Variants in LMF1 observed in about 807,000 individuals in gnomAD.
The protein encoded by LMF1 is lipase maturation factor 1.
Under a neutral mutation model 60.6 loss-of-function variants are expected in LMF1, and 68 were observed. That is an observed-to-expected ratio of 1.12 (90% confidence interval 0.92 to 1.37). The LOEUF is 1.37. LMF1 is among the 40% of genes most tolerant of loss of function. The pLI, the probability that LMF1 is intolerant of heterozygous loss-of-function variation, is 0.00. For synonymous variants in LMF1, 418 were observed against 324.7 expected (o/e 1.29, Z -3.09); for missense variants, 948 against 767.2 (o/e 1.24, Z -2.78).
intron 6 of LMF1, chr16:873,476 G>A (rs900305057): frequency 2.0e-5 from 3 of 152,276 alleles, no homozygotes; most frequent in Admixed American, 6.5e-5. Flanking sequence ...CGAGGCCAAC[G>A]GCGCATGGCC....
chr16:946,745 G>A (rs561933556), intron 2 of LMF1, among the ~76,000 whole-genome samples: 4 of 152,224 alleles, frequency 2.6e-5, no homozygotes, highest in Non-Finnish European at 5.9e-5. Context: ...CCCATGCCCT[G>A]CCATGGATTC....
chr16:928,478 C>A (rs1005035858), intron 3 of LMF1, among the ~76,000 whole-genome samples: 1 of 152,206 alleles, frequency 6.6e-6, no homozygotes, highest in African/African-American at 2.4e-5. Context: ...TAGTAAGAAA[C>A]AGAACCCACT....
At chr16:877,203 G>A (rs534181798) in intron 6 of LMF1, among the ~76,000 whole-genome samples, 7 of 152,314 alleles carry the variant, frequency 4.6e-5, no homozygotes, top group African/African-American at 1.7e-4. Context: ...GGTGGCACCT[G>A]TAGTCCCGGC....
chr16:965,022 T>G (rs2072896013), intron 1 of LMF1, among the ~76,000 whole-genome samples: 1 of 152,232 alleles, frequency 6.6e-6, no homozygotes, highest in Non-Finnish European at 1.5e-5. Context: ...GGTCGGATTT[T>G]CAACATAATC....
chr16:981,285 T>C (rs1430877883), exon 1 of LMF1: 1 of 326,576 alleles, frequency 3.1e-6, no homozygotes, highest in Non-Finnish European at 5.6e-6. Context: ...AGACGGGCTG[T>C]GTGTGTGTGT....
At chr16:892,626 G>A (rs187685781) in intron 5 of LMF1, among the ~76,000 whole-genome samples, 67 of 152,370 alleles carry the variant, frequency 4.4e-4, no homozygotes, top group Admixed American at 3.5e-3. Flanking sequence ...GTTCCGTGTG[G>A]CAGGGGCTGG....
Position 871,051 on chromosome 16 carries a change from C to G in LMF1, c.1078+110G>C. ...CTGGCACGCTACACTGCGGACGGCG[C>G]TGACTCTCCTCCTACCCTGGCGTCC... On this transcript the variant is annotated intron_variant, in intron 7 of 10. Coordinates refer to ENST00000262301, the MANE Select transcript of LMF1 (RefSeq NM_022773.4). 3 of 1,405,078 alleles carry G rather than the reference C, an allele frequency of 2.1e-6. No homozygotes were observed. The South Asian group carries it at 4.3e-5, about 20-fold the overall frequency. 87.0% of individuals were successfully genotyped at this position (1,405,078 alleles called of 1,614,324 possible). A position where few individuals can be genotyped will look rare whatever the true frequency, so the allele number is the denominator to read the frequency against.
At chr16:892,108 G>C (rs2070505731) in intron 5 of LMF1, among the ~76,000 whole-genome samples, 1 of 152,238 alleles carries the variant, frequency 6.6e-6, no homozygotes, top group Non-Finnish European at 1.5e-5. Context: ...CGGAATCGCA[G>C]CAGAGGCACC....
intron 3 of LMF1, among the ~76,000 whole-genome samples, chr16:912,362 G>A (rs1037084943): frequency 4.6e-5 from 7 of 152,102 alleles, no homozygotes; most frequent in East Asian, 3.9e-4. Flanking sequence ...GGAGGCTCGC[G>A]GGGAGCTTCC....
intron 2 of LMF1, among the ~76,000 whole-genome samples, chr16:952,947 TCCTGCACGTC>T: frequency 1.1e-5 from 1 of 93,586 alleles, no homozygotes; most frequent in African/African-American, 4.9e-5. Context: ...CAAACCAGCC[TCCTGCACGTC>T]CACACAGACA....
chr16:952,426 G>T (rs570791960), intron 2 of LMF1: 1 of 152,120 alleles, frequency 6.6e-6, no homozygotes, highest in Non-Finnish European at 1.5e-5. Context: ...AGGGAACACC[G>T]GAGCCACAGG....
At position 957,850 on chromosome 16, in the gene LMF1, G is replaced by C. The variant is rs888212553; in HGVS notation, c.194-3184C>G. The stretch of plus-strand genomic sequence containing the variant: ...GTTCAAAGGCAACTACACAGACAAA[G>C]AGCAGCCTTGGGCCGGGCGTGGTGG... On this transcript the variant is annotated intron_variant, in intron 1 of 10. Transcript: ENST00000262301. Among the ~76,000 whole-genome samples the C allele has an allele frequency of 5.3e-5, 8 of 152,108 alleles. No homozygotes were observed. In the East Asian group the frequency reaches 1.2e-3, roughly 22 times the overall value.
At chr16:886,202 G>A (rs2070301450) in intron 5 of LMF1, among the ~76,000 whole-genome samples, 1 of 152,204 alleles carries the variant, frequency 6.6e-6, no homozygotes. Context: ...CCAGTAAGGG[G>A]CGCATGGAGG....
chr16:919,021 A>G (rs976134432), intron 3 of LMF1, among the ~76,000 whole-genome samples: 6 of 152,068 alleles, frequency 3.9e-5, no homozygotes, highest in African/African-American at 1.4e-4. Context: ...TGGAGCCCGC[A>G]CAGCACAGTA....
At chr16:971,331 A>T (rs996929374), upstream of LMF1, among the ~76,000 whole-genome samples, 1 of 152,174 alleles carries the variant, frequency 6.6e-6, no homozygotes, top group African/African-American at 2.4e-5. Context: ...GCCCTCCCCC[A>T]GCCAGGCGCC....
Position 869,887 on chromosome 16 carries a change from A to C in LMF1, c.1412T>G (p.Phe471Cys), listed in dbSNP as rs1260584119. Residue 471 changes from phenylalanine (F) to cysteine (C), a missense_variant, in exon 9 of 11, where the codon TTC becomes TGC. By Grantham distance (205) the Phe-to-Cys change is radical. Coordinates refer to ENST00000262301, the MANE Select transcript of LMF1 (RefSeq NM_022773.4). ...CCGCCAGGGACCGTCCCCCACCTGG[A>C]AGGCCGCGAACCACATCAGCCAGTC... ...RLDWLMWFAA[F>C]QTYEHNDWII... The C allele has an allele frequency of 6.2e-7, 1 of 1,611,532 alleles. No homozygotes were observed. The highest frequency in any genetic ancestry group is 1.7e-5 in the Admixed American group (1 of 59,896).
intron 1 of LMF1, chr16:977,213 C>T (rs1008916575): frequency 8.4e-5 from 35 of 414,472 alleles, no homozygotes; most frequent in African/African-American, 3.7e-4. Context: ...ACAGGCCAGC[C>T]TTGACCCAAA....
Position 900,668 on chromosome 16 carries a change from C to G in LMF1, c.664-7596G>C, listed in dbSNP as rs147514472. The G allele has an allele frequency of 5.8e-3, 846 of 144,730 alleles. 3 individuals carry two copies. Among genetic ancestry groups the G allele is most frequent in the Non-Finnish European group, 8.9e-3 (587 of 66,314 alleles). The allele number at this position is 144,730 out of a possible 1,614,324, so 9.0% of individuals were successfully genotyped here. A position where few individuals can be genotyped will look rare whatever the true frequency, so the allele number is the denominator to read the frequency against. ...GGAATTACAGGCGCCCGCCAGCATA[C>G]CTGCTAATTTTTATGTGTGTGTGTG... On this transcript the variant is annotated intron_variant, in intron 4 of 10. Coordinates refer to ENST00000262301, the MANE Select transcript of LMF1 (RefSeq NM_022773.4).
chr16:964,495 C>T (rs1185878739), intron 1 of LMF1, among the ~76,000 whole-genome samples: 1 of 152,058 alleles, frequency 6.6e-6, no homozygotes, highest in Non-Finnish European at 1.5e-5. Flanking sequence ...TGCAGAGCTC[C>T]GAAGTAGGGC....
Sources: allele counts gnomAD v4.1 joint callset (sites outside exome capture counted in the v4.1 genomes callset), GRCh38; gene constraint gnomAD v4.1.1; transcripts MANE v1.5; gene names NCBI Gene and HGNC (gene_info 2026-07-23, HGNC 2026-07-21).